Variants in NXPE2 observed in about 807,000 individuals in gnomAD.
NXPE2 encodes NXPE family member 2.
Under a neutral mutation model 34.4 loss-of-function variants are expected in NXPE2, and 34 were observed. The ratio of observed to expected loss-of-function variants is 0.99; its 90% CI spans 0.75 to 1.31. NXPE2 has a LOEUF of 1.31. NXPE2 is among the 40% of genes most tolerant of loss of function. The pLI, the probability that NXPE2 is intolerant of heterozygous loss-of-function variation, is 0.00. For synonymous variants in NXPE2, 235 were observed against 231.3 expected (o/e 1.02, Z -0.15); for missense variants, 649 against 672.5 (o/e 0.97, Z 0.39).
chr11:114,735,715 C>T, the NXPE2 span, among the ~76,000 whole-genome samples: 1 of 152,090 alleles, frequency 6.6e-6, no homozygotes, highest in Non-Finnish European at 1.5e-5. Context: ...TTGGGGTGGT[C>T]ATATATAGTA....
chr11:114,675,749 T>G (rs902345974), upstream of NXPE2, among the ~76,000 whole-genome samples: 2 of 151,856 alleles, frequency 1.3e-5, no homozygotes, highest in Admixed American at 6.6e-5. Context: ...AAAGTAATAA[T>G]TCTGAAACTT....
chr11:114,739,286 TCCTTCC>T, the NXPE2 span, among the ~76,000 whole-genome samples: 2 of 8,938 alleles, frequency 2.2e-4, no homozygotes, highest in Non-Finnish European at 5.2e-4. Context: ...TTATTTTCCT[TCCTTCC>T]TTCCTTCCTT....
At chr11:114,768,173 T>A in the NXPE2 span, among the ~76,000 whole-genome samples, 1 of 152,240 alleles carries the variant, frequency 6.6e-6, no homozygotes, top group Non-Finnish European at 1.5e-5. Context: ...AGGGAATCCT[T>A]TCCCCATTTC....
At chr11:114,488,565 T>C in the NXPE2 span, among the ~76,000 whole-genome samples, 2 of 152,130 alleles carry the variant, frequency 1.3e-5, no homozygotes, top group South Asian at 4.1e-4. Flanking sequence ...CACTCAAAAC[T>C]GCTCAACTAC....
At chr11:114,758,792 C>T in the NXPE2 span, among the ~76,000 whole-genome samples, 2 of 148,086 alleles carry the variant, frequency 1.4e-5, no homozygotes, top group Admixed American at 6.8e-5. Context: ...TATTTATTTA[C>T]ATATTTATAT....
chr11:114,488,351 C>T, the NXPE2 span, among the ~76,000 whole-genome samples: 1 of 152,096 alleles, frequency 6.6e-6, no homozygotes, highest in African/African-American at 2.4e-5. Flanking sequence ...TTTAATGTCT[C>T]CTTTTTCCTC....
the NXPE2 span, among the ~76,000 whole-genome samples, chr11:114,601,875 T>A: frequency 4.4e-3 from 17 of 3,828 alleles, no homozygotes; most frequent in African/African-American, 5.4e-3. Flanking sequence ...TTATATATAT[T>A]ATATATAATT....
chr11:114,489,988 C>A, the NXPE2 span, among the ~76,000 whole-genome samples: 1 of 152,184 alleles, frequency 6.6e-6, no homozygotes, highest in African/African-American at 2.4e-5. Context: ...TCTCCTCAAG[C>A]TGATAAGCAA....
At chr11:114,639,971 T>TA in the NXPE2 span, among the ~76,000 whole-genome samples, 4 of 109,844 alleles carry the variant, frequency 3.6e-5, no homozygotes, top group Non-Finnish European at 5.0e-5. Context: ...AAATATATTA[T>TA]ATATAATATA....
chr11:114,513,229 G>T, the NXPE2 span: 20 of 528,196 alleles, frequency 3.8e-5, no homozygotes, highest in African/African-American at 7.7e-5. Context: ...TGTAGTGCGT[G>T]TCTCGAGGGT....
upstream of NXPE2, among the ~76,000 whole-genome samples, chr11:114,674,100 AAC>A (rs1438668398): frequency 2.6e-5 from 2 of 77,492 alleles, no homozygotes; most frequent in African/African-American, 9.9e-5. Flanking sequence ...AAAACAAACA[AAC>A]AAACAAACAA....
chr11:114,674,936 T>C (rs1220966150), upstream of NXPE2, among the ~76,000 whole-genome samples: 1 of 151,726 alleles, frequency 6.6e-6, no homozygotes, highest in African/African-American at 2.4e-5. Context: ...CAATAGCACA[T>C]TGAAAGAATG....
chr11:114,622,282 T>G, the NXPE2 span, among the ~76,000 whole-genome samples: 2 of 151,766 alleles, frequency 1.3e-5, no homozygotes, highest in Admixed American at 1.3e-4. Context: ...GTAATCACTG[T>G]TACCTGCTGG....
At chr11:114,656,439 C>T in the NXPE2 span, among the ~76,000 whole-genome samples, 11 of 152,030 alleles carry the variant, frequency 7.2e-5, no homozygotes, top group South Asian at 2.1e-4. Context: ...TTTTGAATTT[C>T]GTATGGAATC....
the NXPE2 span, among the ~76,000 whole-genome samples, chr11:114,596,602 C>T: frequency 2.6e-5 from 4 of 152,164 alleles, no homozygotes; most frequent in Admixed American, 2.6e-4. Context: ...AACAATACTT[C>T]TTTATGTCTT....
chr11:114,602,112 A>G, the NXPE2 span, among the ~76,000 whole-genome samples: 1 of 100,592 alleles, frequency 9.9e-6, no homozygotes, highest in Non-Finnish European at 1.7e-5. Flanking sequence ...TATAATATAT[A>G]TAATTATATA....
chr11:114,693,137 G>A (rs1332364583), intron 2 of NXPE2, among the ~76,000 whole-genome samples: 1 of 152,186 alleles, frequency 6.6e-6, no homozygotes, highest in Non-Finnish European at 1.5e-5. Context: ...CCCATGTGGT[G>A]CACACTTTGC....
At chr11:114,645,651 C>G in the NXPE2 span, among the ~76,000 whole-genome samples, 3 of 151,796 alleles carry the variant, frequency 2.0e-5, no homozygotes, top group African/African-American at 7.3e-5. Flanking sequence ...CCAAAGTTAG[C>G]AAAGAACTCC....
intron 2 of NXPE2, 40 bp downstream of exon 2, chr11:114,679,802 G>A (rs1233809880): frequency 1.1e-5 from 14 of 1,243,032 alleles, no homozygotes; most frequent in South Asian, 6.6e-5. Context: ...AGAAGGTCAC[G>A]GTGACTTCAT....
Sources: gnomAD v4.1 joint callset for allele counts (sites outside exome capture counted in the v4.1 genomes callset) on GRCh38, gnomAD v4.1.1 for gene constraint, MANE v1.5 for transcripts, NCBI Gene and HGNC (gene_info 2026-07-23, HGNC 2026-07-21) for gene names.